Variants in ABCA6 observed in about 807,000 individuals in gnomAD.
ABCA6 encodes the protein ATP-binding cassette sub-family A member 6.
A neutral mutation model predicts 191.2 loss-of-function variants in ABCA6; 164 were observed. The observed-to-expected ratio is 0.86, with a 90% CI of 0.76 to 0.98. ABCA6 has a LOEUF of 0.98. Ranked by LOEUF, ABCA6 falls within the 50% of genes least tolerant of loss-of-function variation. The probability of loss-of-function intolerance (pLI) is 0.00; values close to 1 mark genes in which losing one functional copy is unlikely to be tolerated. For missense variants in ABCA6, 1,958 were observed against 1,894.1 expected, an observed-to-expected ratio of 1.03 and a Z score of -0.63; for synonymous variants, 636 against 647.7, an observed-to-expected ratio of 0.98 and a Z score of 0.27.
chr17:69,093,080 C>T (rs1395209497), intron 25 of ABCA6, among the ~76,000 whole-genome samples: 3 of 152,142 alleles, frequency 2.0e-5, no homozygotes, highest in African/African-American at 4.8e-5. Flanking sequence ...TATTTTTTAA[C>T]ATGAGGAATG....
At position 69,078,879 on chromosome 17, in the gene ABCA6, A is replaced by T; in HGVS notation, c.*94T>A. The T allele has an allele frequency of 4.2e-6, 3 of 715,700 alleles. No homozygotes were observed. The highest frequency in any genetic ancestry group is 6.4e-6 in the Non-Finnish European group (3 of 470,676). The allele number at this position is 715,700 out of a possible 1,614,324, so 44.3% of individuals were successfully genotyped here. The stretch of plus-strand genomic sequence containing the variant: ...AATTTACAAAATATACCTGATGTTA[A>T]TTTTAAATGATCTTTAAAATTAAAC... On this transcript the variant is annotated 3_prime_UTR_variant, in exon 39 of 39. Transcript: ENST00000284425.
In ABCA6 at chr17:69,082,995, T is replaced by C. The variant is rs941654510; in HGVS notation, c.4494A>G (p.Gln1498=). ...SGRLRCIGSI[Q]HLKNKLGKDY... Reference sequence around the variant, plus strand: ...CCTTGCCAAGTTTGTTTTTCAGGTGTTGGATGGAGCCAATGCATCTATGGG... The same window carrying C: ...CCTTGCCAAGTTTGTTTTTCAGGTGCTGGATGGAGCCAATGCATCTATGGG... Residue 1498 remains glutamine, a synonymous_variant, in exon 36 of 39, where the codon CAA becomes CAG. Transcript: ENST00000284425. 1.9e-6 allele frequency: 3 copies of C among 1,614,092 alleles called. No homozygotes were observed. In the African/African-American group the frequency reaches 4.0e-5, roughly 22 times the overall value.
Position 69,091,276 on chromosome 17 carries a change from T to A in ABCA6, c.3409-14A>T, listed in dbSNP as rs1453926182. The A allele has an allele frequency of 1.2e-6, 2 of 1,607,878 alleles. No individual in the cohort carries two copies. Among genetic ancestry groups the A allele is most frequent in the Admixed American group, 3.4e-5 (2 of 59,542 alleles). On this transcript the variant is annotated splice_polypyrimidine_tract_variant and intron_variant, in intron 25 of 38. Coordinates refer to ENST00000284425, the MANE Select transcript of ABCA6 (RefSeq NM_080284.3). ...GATGGTGGAGGCCTACAAGGCAAGT[T>A]CAAATATATTGTATCAGACATACTC... is the stretch of plus-strand genomic sequence containing the variant.
intron 8 of ABCA6, among the ~76,000 whole-genome samples, chr17:69,125,496 A>T (rs1346037237): frequency 6.6e-6 from 1 of 152,126 alleles, no homozygotes. Context: ...GCACTGTCCT[A>T]AGTGTTTTGT....
At position 69,129,720 on chromosome 17, in the gene ABCA6, T is replaced by G. The variant is rs761473791; in HGVS notation, c.823A>C (p.Ile275Leu). The G allele has an allele frequency of 4.4e-6, 7 of 1,604,914 alleles. No homozygotes were observed. Among genetic ancestry groups the G allele is most frequent in the Non-Finnish European group, 6.0e-6 (7 of 1,173,438 alleles). The change falls in exon 7 of 39, where the codon ATC (isoleucine) becomes CTC (leucine). Residue 275 changes from isoleucine (I) to leucine (L), a missense_variant. Coordinates refer to ENST00000284425, the MANE Select transcript of ABCA6 (RefSeq NM_080284.3). ...GTAACGAATATGGAAATAATAAAGA[T>G]GAAGCCAGCATAGATTAGACCCCAG... ...LSWGLIYAGF[I>L]FIISIFVTII...
At chr17:69,083,429 C>CA (rs1427743987) in intron 34 of ABCA6, 98 bp from the exon 35 acceptor site, 24 of 1,269,726 alleles carry the variant, frequency 1.9e-5, no homozygotes, top group Non-Finnish European at 2.3e-5. Flanking sequence ...GATCCTAATG[C>CA]AAAAAAATAG....
At position 69,106,200 on chromosome 17, in the gene ABCA6, C is replaced by G; in HGVS notation, c.2401G>C (p.Val801Leu). Residue 801 changes from valine (V) to leucine (L), a missense_variant, in exon 19 of 39, where the codon GTG (valine) becomes CTG (leucine). By Grantham distance (32) the Val-to-Leu change is conservative. Transcript: ENST00000284425. ...QSTIEQDFEQ[V>L]EMIRDSESLN... is the part of the protein sequence containing the mutation. ...CTTTCTGAGTCTCTTATCATCTCCA[C>G]TTGTTCGAAATCTATAAACACACAC... 6.2e-7 allele frequency: 1 copy of G among 1,611,442 alleles called. No individual in the cohort carries two copies. The highest frequency in any genetic ancestry group is 8.5e-7 in the Non-Finnish European group (1 of 1,179,034).
In ABCA6 at chr17:69,088,114, A is replaced by G. The variant is rs111789908; in HGVS notation, c.3698+53T>C. On this transcript the variant is annotated intron_variant, in intron 28 of 38. Coordinates refer to ENST00000284425, the MANE Select transcript of ABCA6 (RefSeq NM_080284.3). ...TTAACAAGATGATAGCACAGACACC[A>G]TCTAGGAATGTTAAAATATGATATT... 202 of 1,440,782 alleles carry G rather than the reference A, an allele frequency of 1.4e-4. No homozygotes were observed. In the African/African-American group the frequency reaches 1.6e-3, roughly 11 times the overall value. The allele number at this position is 1,440,782 out of a possible 1,614,324, so 89.2% of individuals were successfully genotyped here. A position where few individuals can be genotyped will look rare whatever the true frequency, so the allele number is the denominator to read the frequency against.
intron 10 of ABCA6, among the ~76,000 whole-genome samples, chr17:69,122,963 T>C (rs1324533324): frequency 1.5e-5 from 2 of 134,204 alleles, no homozygotes; most frequent in Admixed American, 1.9e-4. Flanking sequence ...AATTGAACAA[T>C]GAGAACACAT....
chr17:69,087,906 A>G (rs1385389039), intron 28 of ABCA6, among the ~76,000 whole-genome samples: 1 of 152,134 alleles, frequency 6.6e-6, no homozygotes, highest in Non-Finnish European at 1.5e-5. Flanking sequence ...AAGGATGCAC[A>G]ATTATCTCAG....
chr17:69,109,369 A>T (rs1399078745), intron 17 of ABCA6: 2 of 152,240 alleles, frequency 1.3e-5, no homozygotes, highest in Non-Finnish European at 2.9e-5. Context: ...CGTAGAAAAC[A>T]TTACACAAAG....
chr17:69,097,173 A>T (rs981425774), intron 23 of ABCA6, among the ~76,000 whole-genome samples: 3 of 152,190 alleles, frequency 2.0e-5, no homozygotes, highest in Non-Finnish European at 4.4e-5. Flanking sequence ...CGGGTGGATC[A>T]CAAGGTCAGG....
At chr17:69,141,326 C>A (rs2074021921) in intron 1 of ABCA6, among the ~76,000 whole-genome samples, 1 of 151,976 alleles carries the variant, frequency 6.6e-6, no homozygotes, top group African/African-American at 2.4e-5. Context: ...AAGAATAAAG[C>A]AATTTCTCTC....
chr17:69,097,860 G>A (rs2073084552), intron 23 of ABCA6, 60 bp downstream of exon 23: 5 of 1,155,116 alleles, frequency 4.3e-6, no homozygotes, highest in Admixed American at 2.7e-5. Flanking sequence ...TGAACACATA[G>A]CATTCAAAAT....
At chr17:69,111,013 A>C in intron 16 of ABCA6, 73 bp from the exon 17 acceptor site, 1 of 1,416,016 alleles carries the variant, frequency 7.1e-7, no homozygotes. Context: ...CTTTAATTGA[A>C]CACCTAGCTG....
At chr17:69,100,444 A>G (rs1451331496) in intron 22 of ABCA6, among the ~76,000 whole-genome samples, 1 of 152,334 alleles carries the variant, frequency 6.6e-6, no homozygotes, top group East Asian at 1.9e-4. Flanking sequence ...CTAACTAATT[A>G]TAATAGATTT....
chr17:69,080,215 A>G (rs1654178870), intron 37 of ABCA6, among the ~76,000 whole-genome samples: 1 of 152,196 alleles, frequency 6.6e-6, no homozygotes, highest in African/African-American at 2.4e-5. Flanking sequence ...GCACTGTTCT[A>G]GGCACTTAAA....
intron 22 of ABCA6, chr17:69,099,494 GC>G (rs2073126601): frequency 6.5e-6 from 1 of 152,686 alleles, no homozygotes; most frequent in African/African-American, 2.4e-5. Context: ...CATAATTCAG[GC>G]CTGAGCAGCA....
At chr17:69,091,013 C>T in intron 26 of ABCA6, 130 bp downstream of exon 26, 2 of 873,702 alleles carry the variant, frequency 2.3e-6, no homozygotes, top group Non-Finnish European at 3.3e-6. Context: ...TTCATCATCC[C>T]CCCAAAATCT....
Sources: allele counts gnomAD v4.1 joint callset (sites outside exome capture counted in the v4.1 genomes callset), GRCh38; gene constraint gnomAD v4.1.1; transcripts MANE v1.5; gene names NCBI Gene and HGNC (gene_info 2026-07-23, HGNC 2026-07-21).